Variants in HTR2C observed in about 807,000 individuals in gnomAD.
HTR2C encodes 5-hydroxytryptamine (serotonin) receptor 2C, G protein-coupled.
HTR2C carries 5 observed loss-of-function variants against 21.0 expected under a neutral mutation model. The ratio of observed to expected loss-of-function variants is 0.24; its 90% CI spans 0.12 to 0.50. The LOEUF is 0.50. Among genes scored for constraint, HTR2C ranks in the 20% least tolerant of loss-of-function variants. The pLI is 0.98. For missense variants in HTR2C, 271 were observed against 371.2 expected (o/e 0.73, Z 2.22); for synonymous variants, 150 against 145.3 (o/e 1.03, Z -0.23).
At chrX:114,827,467 CAT>C (rs1216881127) in intron 4 of HTR2C, among the ~76,000 whole-genome samples, 3 of 111,027 alleles carry the variant, frequency 2.7e-5, no homozygotes, top group Non-Finnish European at 3.8e-5. Flanking sequence ...TTCTGAGAAT[CAT>C]ATGTATTTTA....
intron 2 of HTR2C, among the ~76,000 whole-genome samples, chrX:114,638,673 C>A (rs1305123302): frequency 7.6e-4 from 50 of 65,669 alleles, no homozygotes; most frequent in Middle Eastern, 0.01. Flanking sequence ...TATCCCTCCC[C>A]CCTCCCCCCA....
chrX:114,744,538 T>C (rs919778105), intron 4 of HTR2C, among the ~76,000 whole-genome samples: 1 of 108,043 alleles, frequency 9.3e-6, no homozygotes, highest in Non-Finnish European at 1.9e-5. Flanking sequence ...CTGCAAGCTC[T>C]GCCTCCCAGG....
At chrX:114,762,889 G>T (rs1352240978) in intron 4 of HTR2C, among the ~76,000 whole-genome samples, 4 of 111,991 alleles carry the variant, frequency 3.6e-5, no homozygotes, top group Non-Finnish European at 5.6e-5. Flanking sequence ...TCACCCCTGT[G>T]CTAACAAAGG....
At chrX:114,730,743 C>G (rs1466035124) in intron 3 of HTR2C, among the ~76,000 whole-genome samples, 1 of 111,496 alleles carries the variant, frequency 9.0e-6, no homozygotes, top group Non-Finnish European at 1.9e-5. Flanking sequence ...AGAAAATCCC[C>G]CTTCATTCTG....
In HTR2C at chrX:114,666,133, G is replaced by A. The variant is rs186536704; in HGVS notation, c.-80+52252G>A. Among the ~76,000 whole-genome samples the A allele has an allele frequency of 1.9e-3, 212 of 111,574 alleles. 2 individuals carry two copies. The highest frequency in any genetic ancestry group is 0.014 in the Admixed American group (146 of 10,463). On this transcript the variant is annotated intron_variant, in intron 2 of 5. Coordinates refer to ENST00000276198, the MANE Select transcript of HTR2C (RefSeq NM_000868.4). Reference sequence around the variant, plus strand: ...ATGAAAAGATGTGCCTTCTCACTTCGTGCTGCTGAAGAAAGATCCACAGTG... The same window carrying A: ...ATGAAAAGATGTGCCTTCTCACTTCATGCTGCTGAAGAAAGATCCACAGTG...
At chrX:114,733,306 A>G (rs1203461447) in intron 4 of HTR2C, among the ~76,000 whole-genome samples, 5 of 109,549 alleles carry the variant, frequency 4.6e-5, no homozygotes, top group African/African-American at 1.3e-4. Flanking sequence ...ACTACTCGGG[A>G]GGCTGAGGCA....
chrX:114,633,621 G>T (rs1233550354), intron 2 of HTR2C, among the ~76,000 whole-genome samples: 1 of 110,656 alleles, frequency 9.0e-6, no homozygotes, highest in East Asian at 2.8e-4. Flanking sequence ...TATTCTGTCT[G>T]GGATGTCTGA....
intron 1 of HTR2C, among the ~76,000 whole-genome samples, chrX:114,610,881 G>T (rs782630007): frequency 4.0e-4 from 45 of 111,723 alleles, no homozygotes; most frequent in African/African-American, 1.4e-3. Flanking sequence ...TGATCAGGAG[G>T]AAGGGAAGAA....
chrX:114,905,176 A>G (rs1312940388), intron 5 of HTR2C, among the ~76,000 whole-genome samples: 4 of 110,792 alleles, frequency 3.6e-5, no homozygotes, highest in African/African-American at 1.3e-4. Context: ...AGCTATAGGT[A>G]GGCATGGACC....
intron 2 of HTR2C, among the ~76,000 whole-genome samples, chrX:114,667,035 T>C (rs1270365513): frequency 9.0e-6 from 1 of 111,083 alleles, no homozygotes; most frequent in Admixed American, 9.7e-5. Context: ...TCTTAATCAT[T>C]TGTTTGCTTC....
At position 114,584,278 on chromosome X, in the gene HTR2C, G is replaced by C. The variant is rs185692413; in HGVS notation, c.-528G>C. On this transcript the variant is annotated 5_prime_UTR_variant, in exon 1 of 6. Coordinates refer to ENST00000276198, the MANE Select transcript of HTR2C (RefSeq NM_000868.4). ...TGTCGTCGGAGTCGTCGCGATCGTC[G>C]TGGCGCTCGTGTGATGGCCTTCGTC... 11 of 113,045 alleles carry C rather than the reference G, an allele frequency of 9.7e-5. No homozygotes were observed. Among genetic ancestry groups the C allele is most frequent in the Admixed American group, 3.7e-4 (4 of 10,747 alleles). The allele number at this position is 113,045 out of a possible 1,213,427, so 9.3% of individuals were successfully genotyped here.
At chrX:114,727,523 G>T (rs1182397088) in intron 3 of HTR2C, among the ~76,000 whole-genome samples, 1 of 111,575 alleles carries the variant, frequency 9.0e-6, no homozygotes, top group African/African-American at 3.3e-5. Flanking sequence ...CAAATAATAA[G>T]CAATTCTAAA....
chrX:114,860,333 A>C (rs782433250), intron 5 of HTR2C, among the ~76,000 whole-genome samples: 1 of 110,916 alleles, frequency 9.0e-6, no homozygotes, highest in Non-Finnish European at 1.9e-5. Context: ...ATCTTTCCAT[A>C]GGATTGACAC....
At chrX:114,841,604 G>A (rs184359365) in intron 4 of HTR2C, among the ~76,000 whole-genome samples, 308 of 110,741 alleles carry the variant, frequency 2.8e-3, no homozygotes, top group Non-Finnish European at 5.1e-3. Flanking sequence ...CGCCTGGAGC[G>A]ATGGTGGGCA....
chrX:114,673,935 ATATAT>A (rs1931467880), intron 2 of HTR2C, among the ~76,000 whole-genome samples: 1 of 111,462 alleles, frequency 9.0e-6, no homozygotes, highest in Non-Finnish European at 1.9e-5. Context: ...TAATATCATA[ATATAT>A]TCTAATAAGA....
At position 114,759,441 on chromosome X, in the gene HTR2C, C is replaced by A. The variant is rs187885570; in HGVS notation, c.349+27834C>A. The stretch of plus-strand genomic sequence containing the variant: ...TGTAAGGTTTAGACTCAATCTACCC[C>A]AGGCTTATTTAAAATTAAAACACGA... On this transcript the variant is annotated intron_variant, in intron 4 of 5. Transcript: ENST00000276198. Among the ~76,000 whole-genome samples, 732 of 111,303 alleles carry A rather than the reference C, an allele frequency of 6.6e-3. 6 individuals carry two copies. The highest frequency in any genetic ancestry group is 0.023 in the African/African-American group (703 of 30,641).
intron 5 of HTR2C, among the ~76,000 whole-genome samples, chrX:114,857,433 T>G: frequency 9.0e-6 from 1 of 111,388 alleles, no homozygotes; most frequent in Non-Finnish European, 1.9e-5. Context: ...TCCTAATAAT[T>G]GTGTTCTGGC....
intron 4 of HTR2C, among the ~76,000 whole-genome samples, chrX:114,823,938 T>C (rs957212614): frequency 5.4e-5 from 6 of 111,722 alleles, no homozygotes; most frequent in Non-Finnish European, 9.4e-5. Flanking sequence ...TTCTTAATTA[T>C]AGAAAAAAAC....
At chrX:114,682,980 C>T (rs1223518940) in intron 2 of HTR2C, among the ~76,000 whole-genome samples, 1 of 111,282 alleles carries the variant, frequency 9.0e-6, no homozygotes, top group African/African-American at 3.3e-5. Context: ...AAATAGGTAC[C>T]CATATTGATA....
Sources: gnomAD v4.1 joint callset for allele counts (sites outside exome capture counted in the v4.1 genomes callset) on GRCh38, gnomAD v4.1.1 for gene constraint, MANE v1.5 for transcripts, NCBI Gene and HGNC (gene_info 2026-07-23, HGNC 2026-07-21) for gene names.